The following CACNA1S variants were observed in gnomAD, a reference collection of about 807,000 sequenced individuals.
CACNA1S encodes calcium voltage-gated channel subunit alpha1 S, also known as voltage-dependent L-type calcium channel subunit alpha-1S.
Under a neutral mutation model 207.4 loss-of-function variants are expected in CACNA1S, and 126 were observed. The observed-to-expected ratio is 0.61, with a 90% CI of 0.53 to 0.70. The LOEUF (loss-of-function observed/expected upper bound fraction) is 0.70, where lower values mean the gene tolerates loss of function less well. CACNA1S is among the 30% of genes least tolerant of loss of function. CACNA1S has a pLI of 0.00. For synonymous variants in CACNA1S, 960 were observed against 932.7 expected (o/e 1.03, Z -0.53); for missense variants, 2,349 against 2,422.8 (o/e 0.97, Z 0.64).
At position 201,051,959 on chromosome 1, in the gene CACNA1S, G is replaced by A. The variant is rs751294218; in HGVS notation, c.3953+598C>T. 1.1e-4 allele frequency among the ~76,000 whole-genome samples: 16 copies of A among 152,276 alleles called. No individual in the cohort carries two copies. The South Asian group carries it at 2.3e-3, about 22-fold the overall frequency. On this transcript the variant is annotated intron_variant, in intron 32 of 43. Coordinates refer to ENST00000362061, the MANE Select transcript of CACNA1S (RefSeq NM_000069.3). ...TGTGACCTCATGGAGCCTTTGACAC[G>A]CTGTGCCAAGAAGGGGCCCTGGGTG...
At chr1:201,048,257 T>C (rs1209921805) in intron 36 of CACNA1S, among the ~76,000 whole-genome samples, 1 of 152,216 alleles carries the variant, frequency 6.6e-6, no homozygotes, top group Non-Finnish European at 1.5e-5. Context: ...TGCCCAGTGC[T>C]GCCTGAGAAC....
At chr1:201,051,503 G>T (rs1199670341) in intron 32 of CACNA1S, among the ~76,000 whole-genome samples, 1 of 152,218 alleles carries the variant, frequency 6.6e-6, no homozygotes, top group East Asian at 1.9e-4. Context: ...TAACCCCACA[G>T]TTGAACCCAA....
intron 10 of CACNA1S, 39 bp downstream of exon 10, chr1:201,083,123 C>T: frequency 6.2e-7 from 1 of 1,612,708 alleles, no homozygotes. Context: ...GCCACAGCCA[C>T]ATGTGCCCTC....
In CACNA1S at chr1:201,066,488, G is replaced by C. The variant is rs540109411; in HGVS notation, c.2658-172C>G. Among the ~76,000 whole-genome samples the C allele has an allele frequency of 2.0e-5, 3 of 152,122 alleles. No individual in the cohort carries two copies. The highest frequency in any genetic ancestry group is 4.4e-5 in the Non-Finnish European group (3 of 68,008). Reference sequence around the variant, plus strand: ...CCGTGAGAGTGTGCCCGACTCCAGGGCACAGCCACCCCTGCTATCTGGACC... The same window carrying C: ...CCGTGAGAGTGTGCCCGACTCCAGGCCACAGCCACCCCTGCTATCTGGACC... On this transcript the variant is annotated intron_variant, in intron 20 of 43. Coordinates refer to ENST00000362061, the MANE Select transcript of CACNA1S (RefSeq NM_000069.3). This position sits in a 1 kb window ranked among gnomAD's most constrained non-coding sequence, Gnocchi z 4.3.
intron 33 of CACNA1S, 83 bp from the exon 34 acceptor site, chr1:201,050,599 G>T: frequency 6.6e-7 from 1 of 1,526,166 alleles, no homozygotes; most frequent in South Asian, 1.1e-5. Flanking sequence ...GGTGTCCACT[G>T]GCCCACAACT....
chr1:201,078,202 C>G, intron 10 of CACNA1S, 98 bp from the exon 11 acceptor site: 11 of 957,636 alleles, frequency 1.1e-5, no homozygotes, highest in Non-Finnish European at 1.5e-5. Context: ...ACGCCCCTTC[C>G]CTTGTTTCCA....
intron 16 of CACNA1S, among the ~76,000 whole-genome samples, chr1:201,071,219 T>C (rs1661428566): frequency 6.6e-6 from 1 of 152,066 alleles, no homozygotes; most frequent in African/African-American, 2.4e-5. Context: ...GCAGAGGCCT[T>C]GAGGGAAGCC....
At chr1:201,065,190 A>G (rs1249825426) in intron 22 of CACNA1S, among the ~76,000 whole-genome samples, 1 of 152,244 alleles carries the variant, frequency 6.6e-6, no homozygotes, top group Non-Finnish European at 1.5e-5. Context: ...CTTGCCACAT[A>G]TTAGCCTTAA....
intron 40 of CACNA1S, chr1:201,042,929 G>T: frequency 3.4e-6 from 1 of 294,632 alleles, no homozygotes; most frequent in Non-Finnish European, 6.6e-6. Context: ...TCCAGTGATG[G>T]AATCTTATTG....
In CACNA1S at chr1:201,112,136, T is replaced by A. The variant is rs1663138765; in HGVS notation, c.152+52A>T. ...GTTTGTGCTCTGTGATCACCCCGAA[T>A]CCCTCCCTCATGACGCACACCCCCC... On this transcript the variant is annotated intron_variant, in intron 1 of 43. Coordinates refer to ENST00000362061, the MANE Select transcript of CACNA1S (RefSeq NM_000069.3). 2.6e-6 allele frequency: 4 copies of A among 1,567,938 alleles called. No individual in the cohort carries two copies. The South Asian group carries it at 4.5e-5, about 18-fold the overall frequency.
intron 23 of CACNA1S, 57 bp from the exon 24 acceptor site, chr1:201,062,147 C>A: frequency 1.3e-6 from 2 of 1,590,166 alleles, no homozygotes; most frequent in South Asian, 1.1e-5. Flanking sequence ...CTTGCCCCAC[C>A]CACATCCTCT....
intron 38 of CACNA1S, among the ~76,000 whole-genome samples, chr1:201,045,761 A>G (rs1660450016): frequency 6.8e-6 from 1 of 146,094 alleles, no homozygotes; most frequent in African/African-American, 2.5e-5. Flanking sequence ...AAAAAAAAGC[A>G]TCAGTGTTAA....
At chr1:201,083,087 G>GT in intron 10 of CACNA1S, 75 bp downstream of exon 10, 1 of 1,504,550 alleles carries the variant, frequency 6.6e-7, no homozygotes, top group East Asian at 2.3e-5. Flanking sequence ...ACAACCTGTG[G>GT]TGCCATTGGC....
At position 201,039,740 on chromosome 1, in the gene CACNA1S, G is replaced by A; in HGVS notation, c.*91C>T. On this transcript the variant is annotated 3_prime_UTR_variant, in exon 44 of 44. Coordinates refer to ENST00000362061, the MANE Select transcript of CACNA1S (RefSeq NM_000069.3). ...CTAGCTGCTGAGAGGGAGGGAGGCT[G>A]CTGCGGTGGGCTAGCCCTTCTCCAC... The A allele has an allele frequency of 6.4e-7, 1 of 1,550,872 alleles. No homozygotes were observed. The highest frequency in any genetic ancestry group is 2.2e-5 in the East Asian group (1 of 44,620).
Position 201,093,876 on chromosome 1 carries a change from T to C in CACNA1S, c.398+6A>G, listed in dbSNP as rs1187491805. The C allele has an allele frequency of 1.2e-6, 2 of 1,613,870 alleles. No homozygotes were observed. Among genetic ancestry groups the C allele is most frequent in the African/African-American group, 1.3e-5 (1 of 74,992 alleles). ...GACCTTCAGTCTCCCCACACCCAGC[T>C]CTCACCCCAGGAAGACAATGGTGAA... On this transcript the variant is annotated splice_donor_region_variant and intron_variant, in intron 3 of 43. Transcript: ENST00000362061.
intron 14 of CACNA1S, among the ~76,000 whole-genome samples, chr1:201,074,142 G>A (rs747933157): frequency 2.0e-5 from 3 of 150,934 alleles, no homozygotes; most frequent in Non-Finnish European, 4.5e-5. Flanking sequence ...GGGCACCACC[G>A]GGGAGCCTGT....
intron 39 of CACNA1S, 91 bp downstream of exon 39, chr1:201,044,237 C>CT (rs1198242562): frequency 1.3e-6 from 2 of 1,546,642 alleles, no homozygotes; most frequent in Non-Finnish European, 1.8e-6. Context: ...ATGTCCCCCT[C>CT]TCGTGTGGCT....
chr1:201,085,228 G>T (rs1307824911), intron 8 of CACNA1S, among the ~76,000 whole-genome samples, 197 bp from the exon 9 acceptor site: 1 of 152,178 alleles, frequency 6.6e-6, no homozygotes, highest in South Asian at 2.1e-4. Context: ...CTGCAGGGGA[G>T]GCGCTATGAG....
chr1:201,060,197 C>T (rs1660992221), intron 26 of CACNA1S, among the ~76,000 whole-genome samples: 1 of 152,172 alleles, frequency 6.6e-6, no homozygotes, highest in African/African-American at 2.4e-5. Context: ...GAATCAGATG[C>T]TTAATCGAGG....
Sources: allele counts gnomAD v4.1 joint callset (sites outside exome capture counted in the v4.1 genomes callset), GRCh38; gene constraint gnomAD v4.1.1; non-coding constraint Gnocchi (gnomAD v3.1); transcripts MANE v1.5; gene names NCBI Gene and HGNC (gene_info 2026-07-23, HGNC 2026-07-21).